The following MBNL1 variants were observed in gnomAD, a reference collection of about 807,000 sequenced individuals.
MBNL1 encodes the protein muscleblind-like protein 1.
MBNL1 carries 8 observed loss-of-function variants against 42.2 expected under a neutral mutation model. That is an observed-to-expected ratio of 0.19 (90% CI 0.11 to 0.34). The LOEUF (loss-of-function observed/expected upper bound fraction) is 0.34. MBNL1 is among the 10% of genes least tolerant of loss of function. The pLI, the probability that MBNL1 is intolerant of heterozygous loss-of-function variation, is 1.00. For missense variants in MBNL1, 309 were observed against 495.3 expected, an observed-to-expected ratio of 0.62 and a Z score of 3.57; for synonymous variants, 169 against 173.9, an observed-to-expected ratio of 0.97 and a Z score of 0.22.
chr3:152,323,354 A>G (rs1258239993), intron 2 of MBNL1, among the ~76,000 whole-genome samples: 1 of 152,124 alleles, frequency 6.6e-6, no homozygotes, highest in Non-Finnish European at 1.5e-5. Context: ...TTTTAAAGAA[A>G]TAGTGTAAAC....
intron 2 of MBNL1, among the ~76,000 whole-genome samples, chr3:152,354,500 A>G (rs1279540856): frequency 1.3e-5 from 2 of 152,194 alleles, no homozygotes; most frequent in Non-Finnish European, 2.9e-5. Flanking sequence ...ATACAGATTA[A>G]TGAAAGAACT....
chr3:152,331,636 G>C (rs534936466), intron 2 of MBNL1, among the ~76,000 whole-genome samples: 32 of 151,906 alleles, frequency 2.1e-4, no homozygotes, highest in African/African-American at 7.0e-4. Context: ...ACCCAGTAAG[G>C]GTTGATGAAT....
rs565783469 is a variant in MBNL1, at chr3:152,300,386, C to A, written c.174+19C>A. The stretch of plus-strand genomic sequence containing the variant: ...ATTGAAAGTGAGTAACTATTATATT[C>A]TTTTAAGGATATTCAATGATTGAAT... On this transcript the variant is annotated intron_variant, in intron 2 of 9. Transcript: ENST00000324210. 13 of 1,598,782 alleles carry A rather than the reference C, an allele frequency of 8.1e-6. No individual in the cohort carries two copies. In the African/African-American group the frequency reaches 1.2e-4, roughly 15 times the overall value.
chr3:152,286,783 C>T (rs939570430), intron 1 of MBNL1, among the ~76,000 whole-genome samples: 17 of 151,932 alleles, frequency 1.1e-4, no homozygotes, highest in Non-Finnish European at 2.4e-4. Flanking sequence ...GAGATTGCTA[C>T]ATGATTGCTC....
At chr3:152,256,210 G>GAT (rs1312839162) in intron 2 of MBNL1, among the ~76,000 whole-genome samples, 1 of 152,126 alleles carries the variant, frequency 6.6e-6, no homozygotes, top group East Asian at 1.9e-4. Context: ...GTGAATTTTA[G>GAT]ATAAGCCAAG....
chr3:152,368,567 G>C (rs1218065200), intron 2 of MBNL1, among the ~76,000 whole-genome samples: 1 of 152,144 alleles, frequency 6.6e-6, no homozygotes, highest in Non-Finnish European at 1.5e-5. Context: ...GTGGTAGCTT[G>C]ATGGGCATAG....
In MBNL1 at chr3:152,304,057, A is replaced by C. The variant is rs574146471; in HGVS notation, c.174+3690A>C. 5.3e-5 allele frequency among the ~76,000 whole-genome samples: 8 copies of C among 152,306 alleles called. No individual in the cohort carries two copies. The East Asian group carries it at 1.5e-3, about 29-fold the overall frequency. Reference sequence around the variant, plus strand: ...CAGATTCCACTGCAAAGTGGCATACAATCAAGGGTGCTGAGAACAGTTTTA... The same window carrying C: ...CAGATTCCACTGCAAAGTGGCATACCATCAAGGGTGCTGAGAACAGTTTTA... On this transcript the variant is annotated intron_variant, in intron 2 of 9. Coordinates refer to ENST00000324210, the MANE Select transcript of MBNL1 (RefSeq NM_021038.5).
At chr3:152,427,905 A>T (rs549226934) in intron 3 of MBNL1, among the ~76,000 whole-genome samples, 1 of 151,716 alleles carries the variant, frequency 6.6e-6, no homozygotes, top group African/African-American at 2.4e-5. Context: ...TATTTGTTAC[A>T]TATACTCCCT....
At chr3:152,281,522 T>G (rs2048468840) in intron 1 of MBNL1, among the ~76,000 whole-genome samples, 1 of 152,134 alleles carries the variant, frequency 6.6e-6, no homozygotes, top group Non-Finnish European at 1.5e-5. Flanking sequence ...TGGCCTAATC[T>G]GCCTGTGTGG....
At chr3:152,396,815 A>G (rs1330569427) in intron 2 of MBNL1, among the ~76,000 whole-genome samples, 1 of 152,198 alleles carries the variant, frequency 6.6e-6, no homozygotes, top group Admixed American at 6.5e-5. Flanking sequence ...TGTTTATTGT[A>G]ATGAACCATC....
rs1313998995 is a variant in MBNL1 at position 152,464,210 on chromosome 3, AT to A, written c.*1848del. 3.9e-5 allele frequency: 6 copies of A among 152,338 alleles called. No individual in the cohort carries two copies. The highest frequency in any genetic ancestry group is 7.4e-5 in the Non-Finnish European group (5 of 67,942). The allele number at this position is 152,338 out of a possible 1,614,324, so 9.4% of individuals were successfully genotyped here. Reference sequence around the variant, plus strand: ...TCAGTTTATAGACTTGTTTTATTAGATTTTACCAATGAATTTTTCAAAATAC... The same window carrying A: ...TCAGTTTATAGACTTGTTTTATTAGATTTACCAATGAATTTTTCAAAATAC... On this transcript the variant is annotated 3_prime_UTR_variant, in exon 10 of 10. Coordinates refer to ENST00000324210, the MANE Select transcript of MBNL1 (RefSeq NM_021038.5).
intron 2 of MBNL1, among the ~76,000 whole-genome samples, chr3:152,318,351 A>G (rs767745411): frequency 1.2e-4 from 19 of 152,302 alleles, no homozygotes; most frequent in South Asian, 4.1e-4. Flanking sequence ...TATATTTGCA[A>G]TGTCTTGAAA....
At chr3:152,338,339 C>A (rs995660338) in intron 2 of MBNL1, 7 of 985,226 alleles carry the variant, frequency 7.1e-6, no homozygotes, top group Non-Finnish European at 8.4e-6. Flanking sequence ...TAGCCCTGTC[C>A]ATTGACAGAA....
At chr3:152,271,136 T>C (rs149210394) in intron 1 of MBNL1, among the ~76,000 whole-genome samples, 8 of 152,320 alleles carry the variant, frequency 5.3e-5, no homozygotes, top group African/African-American at 1.2e-4. Flanking sequence ...TGAAGTGTTA[T>C]ATGGTTTGAG....
chr3:152,427,864 C>T (rs2098955272), intron 3 of MBNL1, among the ~76,000 whole-genome samples: 1 of 150,900 alleles, frequency 6.6e-6, no homozygotes, highest in Admixed American at 6.6e-5. Flanking sequence ...AATTTGTGAT[C>T]TGTGAATTTC....
At chr3:152,443,958 C>T (rs2099183287) in intron 4 of MBNL1, among the ~76,000 whole-genome samples, 1 of 152,120 alleles carries the variant, frequency 6.6e-6, no homozygotes, top group Non-Finnish European at 1.5e-5. Context: ...TTAAGAAACA[C>T]TTTCCTCAAT....
chr3:152,463,259 T>C lies in MBNL1; in HGVS notation c.*893T>C, dbSNP rs1748454833. The C allele has an allele frequency of 6.6e-6, 1 of 151,014 alleles. No individual in the cohort carries two copies. Among genetic ancestry groups the C allele is most frequent in the African/African-American group, 2.4e-5 (1 of 41,176 alleles). The allele number at this position is 151,014 out of a possible 1,614,324, so 9.4% of individuals were successfully genotyped here. ...GATAAACTCACACATACTGGAGATA[T>C]ATATATAATAGATATATATAAAATT... On this transcript the variant is annotated 3_prime_UTR_variant, in exon 10 of 10. Transcript: ENST00000324210.
At chr3:152,360,354 C>T (rs551680920) in intron 2 of MBNL1, among the ~76,000 whole-genome samples, 2 of 152,172 alleles carry the variant, frequency 1.3e-5, no homozygotes, top group South Asian at 2.1e-4. Flanking sequence ...ATCATATACC[C>T]GTTTAATAAT....
chr3:152,366,895 C>T (rs2096405054), intron 2 of MBNL1, among the ~76,000 whole-genome samples: 1 of 151,914 alleles, frequency 6.6e-6, no homozygotes, highest in Non-Finnish European at 1.5e-5. Context: ...GGATAGTTTG[C>T]AGAATATTAG....
Sources: gnomAD v4.1 joint callset for allele counts (sites outside exome capture counted in the v4.1 genomes callset) on GRCh38, gnomAD v4.1.1 for gene constraint, MANE v1.5 for transcripts, NCBI Gene and HGNC (gene_info 2026-07-23, HGNC 2026-07-21) for gene names.